The following ARL15 variants were observed in gnomAD, a reference collection of about 807,000 sequenced individuals.
ARL15 encodes the protein ARF like GTPase 15, also known as ADP-ribosylation factor-like protein 15.
ARL15 carries 19 observed loss-of-function variants against 25.2 expected under a neutral mutation model. The observed-to-expected ratio is 0.75, with a 90% CI of 0.53 to 1.10. ARL15 has a LOEUF of 1.10. Ranked by LOEUF, ARL15 falls within the 50% of genes least tolerant of loss-of-function variation. The pLI is 0.00. For missense variants in ARL15, 220 were observed against 246.0 expected (o/e 0.89, Z 0.71); for synonymous variants, 94 against 86.8 (o/e 1.08, Z -0.46).
intron 1 of ARL15, among the ~76,000 whole-genome samples, chr5:54,215,472 G>A (rs1288865445): frequency 6.6e-6 from 1 of 152,140 alleles, no homozygotes; most frequent in African/African-American, 2.4e-5. Flanking sequence ...CGCCGACCCA[G>A]CGCCATTCAC....
intron 4 of ARL15, among the ~76,000 whole-genome samples, chr5:54,064,528 G>T (rs917880912): frequency 1.3e-5 from 2 of 152,150 alleles, no homozygotes; most frequent in Non-Finnish European, 2.9e-5. Flanking sequence ...TTGAGAAAAA[G>T]GCAGCATTGC....
chr5:54,216,535 T>C (rs1438935017), intron 1 of ARL15, among the ~76,000 whole-genome samples: 1 of 152,178 alleles, frequency 6.6e-6, no homozygotes, highest in Non-Finnish European at 1.5e-5. Flanking sequence ...AATTTCCACA[T>C]ACTCAGCATA....
rs115180675 is a variant in ARL15, at chr5:54,192,809, G to A, written c.49-20881C>T. Among the ~76,000 whole-genome samples, 900 of 152,192 alleles carry A rather than the reference G, an allele frequency of 5.9e-3. 15 individuals carry two copies. The highest frequency in any genetic ancestry group is 0.02 in the African/African-American group (847 of 41,528). On this transcript the variant is annotated intron_variant, in intron 1 of 4. Transcript: ENST00000504924. ...ACTTAAGTGTTTCAAGAGGGAGGAG[G>A]TAAGCAACTAAGATGAATGCTTCTG...
intron 4 of ARL15, among the ~76,000 whole-genome samples, chr5:53,992,133 A>C (rs1474377906): frequency 6.6e-6 from 1 of 152,180 alleles, no homozygotes; most frequent in East Asian, 1.9e-4. Flanking sequence ...CATCGTCAAA[A>C]GGAATGTAGC....
At chr5:54,043,561 A>G (rs571336267) in intron 4 of ARL15, among the ~76,000 whole-genome samples, 3 of 152,286 alleles carry the variant, frequency 2.0e-5, no homozygotes, top group Non-Finnish European at 4.4e-5. Flanking sequence ...TTCCTTTAGG[A>G]AGTGATCTCC....
At chr5:53,999,245 C>T (rs552324390) in intron 4 of ARL15, among the ~76,000 whole-genome samples, 3 of 152,286 alleles carry the variant, frequency 2.0e-5, no homozygotes, top group Admixed American at 6.5e-5. Flanking sequence ...ATGTGCAATG[C>T]TAAAATAAGC....
At chr5:54,271,394 G>A (rs188151389) in intron 1 of ARL15, among the ~76,000 whole-genome samples, 1 of 152,236 alleles carries the variant, frequency 6.6e-6, no homozygotes, top group Non-Finnish European at 1.5e-5. Context: ...TATAACCTAT[G>A]CACATCCTCC....
chr5:54,180,479 C>T (rs26776), intron 1 of ARL15, among the ~76,000 whole-genome samples: 29,181 of 152,126 alleles, frequency 0.19, 3,576 homozygotes, highest in East Asian at 0.69. Flanking sequence ...CAGACACAGC[C>T]CAGCTGAAGA....
chr5:54,145,372 T>G (rs1047165301), intron 3 of ARL15, among the ~76,000 whole-genome samples: 1 of 152,238 alleles, frequency 6.6e-6, no homozygotes, highest in Non-Finnish European at 1.5e-5. Context: ...TGCAACAAAT[T>G]TTTGATTCCT....
intron 4 of ARL15, among the ~76,000 whole-genome samples, chr5:53,889,539 T>C (rs1368686731): frequency 6.6e-6 from 1 of 152,198 alleles, no homozygotes; most frequent in Non-Finnish European, 1.5e-5. Flanking sequence ...CAAATATGGC[T>C]GGGTAATTCA....
chr5:54,242,467 C>T (rs577837709), intron 1 of ARL15, among the ~76,000 whole-genome samples: 2 of 152,288 alleles, frequency 1.3e-5, no homozygotes, highest in African/African-American at 4.8e-5. Flanking sequence ...ATCATAGTCT[C>T]ATACACCCTC....
intron 1 of ARL15, chr5:54,310,167 C>T (rs1758859244): frequency 2.3e-6 from 1 of 426,348 alleles, no homozygotes; most frequent in Non-Finnish European, 4.2e-6. Flanking sequence ...GCGGCCGCCC[C>T]ATCTCTCAAG....
intron 1 of ARL15, among the ~76,000 whole-genome samples, chr5:54,211,762 G>A (rs941906632): frequency 6.6e-6 from 1 of 152,000 alleles, no homozygotes; most frequent in Non-Finnish European, 1.5e-5. Flanking sequence ...ACGAGCCACC[G>A]TGACCGGCCA....
intron 1 of ARL15, among the ~76,000 whole-genome samples, chr5:54,308,230 T>C (rs978534042): frequency 6.6e-6 from 1 of 152,198 alleles, no homozygotes; most frequent in Non-Finnish European, 1.5e-5. Context: ...TCCAGTTTAA[T>C]GCTAAAGAAT....
At chr5:53,899,637 T>A (rs541699655) in intron 4 of ARL15, among the ~76,000 whole-genome samples, 1 of 152,232 alleles carries the variant, frequency 6.6e-6, no homozygotes, top group Non-Finnish European at 1.5e-5. Flanking sequence ...TATGTTTCAA[T>A]TTCTAGCTTT....
intron 4 of ARL15, among the ~76,000 whole-genome samples, chr5:54,021,653 C>G (rs76345162): frequency 0.052 from 7,969 of 152,116 alleles, 256 homozygotes; most frequent in Middle Eastern, 0.092. Context: ...CGAAGATTTC[C>G]TTTGTGTCAC....
rs1757661859 is a variant in ARL15, at chr5:54,267,529, AT to A, written c.48+42902del. On this transcript the variant is annotated intron_variant, in intron 1 of 4. Coordinates refer to ENST00000504924, the MANE Select transcript of ARL15 (RefSeq NM_019087.3). Reference sequence around the variant, plus strand: ...GTTTGATAAGTTGCATAAGGACATAATTTCCAACTTGTTATAAATATCCAGA... The same window carrying A: ...GTTTGATAAGTTGCATAAGGACATAATTCCAACTTGTTATAAATATCCAGA... Among the ~76,000 whole-genome samples the A allele has an allele frequency of 1.3e-5, 2 of 152,214 alleles. 1 individual carries two copies. Among genetic ancestry groups the A allele is most frequent in the South Asian group, 4.1e-4 (2 of 4,834 alleles).
In ARL15 at chr5:53,886,623, C is replaced by A; in HGVS notation, c.553G>T (p.Asp185Tyr). The change falls in exon 5 of 5, where the codon GAC (aspartate) becomes TAC (tyrosine). Residue 185 changes from aspartate to tyrosine, a missense_variant. Coordinates refer to ENST00000504924, the MANE Select transcript of ARL15 (RefSeq NM_019087.3). ...CSLDDMDALK[D>Y]SFSQLINLLE... ...AAATTAATCAGCTGAGAGAAGCTGTCTTTCAGTGCATCCATGTCATCCAGT... is the reference window on the plus strand; with the variant it reads ...AAATTAATCAGCTGAGAGAAGCTGTATTTCAGTGCATCCATGTCATCCAGT... The A allele has an allele frequency of 1.3e-6, 2 of 1,568,954 alleles. No homozygotes were observed. The highest frequency in any genetic ancestry group is 1.4e-5 in the African/African-American group (1 of 74,006).
intron 3 of ARL15, among the ~76,000 whole-genome samples, chr5:54,115,519 C>T (rs1752873921): frequency 6.6e-6 from 1 of 152,188 alleles, no homozygotes; most frequent in African/African-American, 2.4e-5. Context: ...ACTTCCTATC[C>T]TCCAGGTACT....
Sources: gnomAD v4.1 joint callset for allele counts (sites outside exome capture counted in the v4.1 genomes callset) on GRCh38, gnomAD v4.1.1 for gene constraint, MANE v1.5 for transcripts, NCBI Gene and HGNC (gene_info 2026-07-23, HGNC 2026-07-21) for gene names.